The following TTLL5 variants were observed in gnomAD, a reference collection of about 807,000 sequenced individuals.
TTLL5 encodes tubulin polyglutamylase TTLL5.
Under a neutral mutation model 168.4 loss-of-function variants are expected in TTLL5, and 132 were observed. The observed-to-expected ratio is 0.78, with a 90% CI of 0.68 to 0.91. TTLL5 has a LOEUF of 0.91. Ranked by LOEUF, TTLL5 falls within the 40% of genes least tolerant of loss-of-function variation. The pLI is 0.00. For missense variants in TTLL5, 1,545 were observed against 1,581.5 expected (o/e 0.98, Z 0.39); for synonymous variants, 546 against 558.6 (o/e 0.98, Z 0.32).
At chr14:75,676,094 C>T (rs1315745459) in intron 3 of TTLL5, among the ~76,000 whole-genome samples, 1 of 152,182 alleles carries the variant, frequency 6.6e-6, no homozygotes, top group Non-Finnish European at 1.5e-5. Flanking sequence ...CAAAACCAAT[C>T]ACCCTTTTGT....
intron 2 of TTLL5, among the ~76,000 whole-genome samples, chr14:75,665,745 G>A (rs967966229): frequency 2.6e-5 from 4 of 152,092 alleles, no homozygotes; most frequent in African/African-American, 7.2e-5. Flanking sequence ...CCAGCTACTC[G>A]GGAGGCTGAG....
At chr14:75,780,710 G>GTT (rs573693306) in intron 24 of TTLL5, among the ~76,000 whole-genome samples, 129 of 152,280 alleles carry the variant, frequency 8.5e-4, no homozygotes, top group African/African-American at 3.0e-3. Flanking sequence ...AAGAAACAGT[G>GTT]TTAATCTTTT....
At chr14:75,773,624 C>A (rs902356237) in intron 21 of TTLL5, among the ~76,000 whole-genome samples, 12 of 151,890 alleles carry the variant, frequency 7.9e-5, no homozygotes, top group Non-Finnish European at 1.5e-4. Context: ...TGCGGTGGCT[C>A]ATGCCTGTAA....
In TTLL5 at chr14:75,843,514, G is replaced by A. The variant is rs150166751; in HGVS notation, c.3327-20153G>A. Among the ~76,000 whole-genome samples, 16 of 152,332 alleles carry A rather than the reference G, an allele frequency of 1.1e-4. No individual in the cohort carries two copies. In the East Asian group the frequency reaches 3.1e-3, roughly 29 times the overall value. ...TTTAAAAGTTCATCTTACACAAGAA[G>A]GAAATGAAATCTTATTTTTTGTTGT... is the stretch of plus-strand genomic sequence containing the variant. On this transcript the variant is annotated intron_variant, in intron 28 of 31. Transcript: ENST00000298832.
intron 3 of TTLL5, among the ~76,000 whole-genome samples, chr14:75,672,968 T>C (rs1566809002): frequency 6.6e-6 from 1 of 152,146 alleles, no homozygotes; most frequent in Non-Finnish European, 1.5e-5. Flanking sequence ...TGACAAAGTC[T>C]CACTCTGTCA....
chr14:75,882,858 C>A lies in TTLL5; in HGVS notation c.3696C>A (p.Asn1232Lys), dbSNP rs1435417609. 1 of 1,614,178 alleles carries A rather than the reference C, an allele frequency of 6.2e-7. No individual in the cohort carries two copies. The highest frequency in any genetic ancestry group is 2.2e-5 in the East Asian group (1 of 44,880). The stretch of plus-strand genomic sequence containing the variant: ...CCCTGGTTCCCAAACCCCCACCCAA[C>A]CACGAACAAGTGCTCAGAAGGGCAA... ...CASLVPKPPP[N>K]HEQVLRRATS... is the part of the protein sequence containing the mutation. Residue 1232 changes from asparagine to lysine, a missense_variant, in exon 30 of 32, where the codon AAC (asparagine) becomes AAA (lysine). Coordinates refer to ENST00000298832, the MANE Select transcript of TTLL5 (RefSeq NM_015072.5).
chr14:75,757,748 T>G (rs1488658467), intron 18 of TTLL5: 1 of 1,253,212 alleles, frequency 8.0e-7, no homozygotes, highest in Non-Finnish European at 1.1e-6. Flanking sequence ...TATTAAAAAT[T>G]TCTGGAGTGC....
At chr14:75,804,328 A>G (rs897309027) in intron 27 of TTLL5, among the ~76,000 whole-genome samples, 1 of 152,264 alleles carries the variant, frequency 6.6e-6, no homozygotes, top group Non-Finnish European at 1.5e-5. Flanking sequence ...ATACAAAGGA[A>G]TTCTTTATCA....
At chr14:75,696,008 C>T (rs1885832589) in intron 6 of TTLL5, among the ~76,000 whole-genome samples, 1 of 151,228 alleles carries the variant, frequency 6.6e-6, no homozygotes, top group South Asian at 2.1e-4. Context: ...CTGCCCACCT[C>T]AGCCTTAGAA....
At chr14:75,777,039 G>A (rs114469292) in intron 23 of TTLL5, among the ~76,000 whole-genome samples, 189 bp downstream of exon 23, 1,883 of 152,238 alleles carry the variant, frequency 0.012, 25 homozygotes, top group African/African-American at 0.038. Context: ...TTGAGCCCAG[G>A]AATTCGAGGC....
At chr14:75,663,010 A>G in intron 1 of TTLL5, 45 bp from the exon 2 acceptor site, 4 of 741,452 alleles carry the variant, frequency 5.4e-6, no homozygotes, top group Non-Finnish European at 9.8e-6. Flanking sequence ...AGACAACTGC[A>G]TTGTGTTTCA....
intron 31 of TTLL5, among the ~76,000 whole-genome samples, chr14:75,915,136 A>C (rs1402226844): frequency 6.6e-6 from 1 of 152,134 alleles, no homozygotes; most frequent in Admixed American, 6.5e-5. Flanking sequence ...ACTAACTGGA[A>C]TTGTTTATTG....
chr14:75,751,682 G>C (rs4903346), intron 17 of TTLL5, among the ~76,000 whole-genome samples: 7 of 152,266 alleles, frequency 4.6e-5, no homozygotes, highest in East Asian at 1.9e-4. Flanking sequence ...TAGATGTAGA[G>C]GAGATATGGG....
At chr14:75,817,309 T>C (rs779581850) in intron 27 of TTLL5, among the ~76,000 whole-genome samples, 1 of 152,092 alleles carries the variant, frequency 6.6e-6, no homozygotes, top group Non-Finnish European at 1.5e-5. Flanking sequence ...CATATGCCCT[T>C]CTTCTCCCCC....
chr14:75,682,954 A>G (rs1043835623), intron 4 of TTLL5, among the ~76,000 whole-genome samples: 2 of 151,912 alleles, frequency 1.3e-5, no homozygotes, highest in African/African-American at 2.4e-5. Flanking sequence ...AATTTTTTTT[A>G]TAGAGACAGG....
chr14:75,662,783 G>A (rs1341604672), intron 1 of TTLL5, among the ~76,000 whole-genome samples: 2 of 152,082 alleles, frequency 1.3e-5, no homozygotes, highest in African/African-American at 4.8e-5. Context: ...GTGCATATTC[G>A]ATTTAGTAAA....
chr14:75,758,839 A>G (rs1594982827), intron 18 of TTLL5, among the ~76,000 whole-genome samples: 3 of 152,314 alleles, frequency 2.0e-5, no homozygotes, highest in East Asian at 3.9e-4. Flanking sequence ...TTTGAACTGA[A>G]TGATACTAAA....
At chr14:75,900,259 C>T (rs2032866174) in intron 30 of TTLL5, among the ~76,000 whole-genome samples, 1 of 152,188 alleles carries the variant, frequency 6.6e-6, no homozygotes, top group South Asian at 2.1e-4. Flanking sequence ...TCTCCTGCCT[C>T]TGTGGCTCCC....
At chr14:75,686,393 C>T (rs1163307171) in intron 5 of TTLL5, among the ~76,000 whole-genome samples, 1 of 152,134 alleles carries the variant, frequency 6.6e-6, no homozygotes, top group African/African-American at 2.4e-5. Context: ...TAACCTGGGT[C>T]TTTACTGTAA....
Sources: gnomAD v4.1 joint callset for allele counts (sites outside exome capture counted in the v4.1 genomes callset) on GRCh38, gnomAD v4.1.1 for gene constraint, MANE v1.5 for transcripts, NCBI Gene and HGNC (gene_info 2026-07-23, HGNC 2026-07-21) for gene names.